TSHR: variants seen among roughly 807,000 people sequenced by gnomAD.
TSHR encodes thyrotropin receptor.
Under a neutral mutation model 64.1 loss-of-function variants are expected in TSHR, and 51 were observed. The observed-to-expected ratio is 0.80, with a 90% CI of 0.64 to 1.01. TSHR has a LOEUF of 1.01. Ranked by LOEUF, TSHR falls within the 50% of genes least tolerant of loss-of-function variation. The pLI is 0.00. For missense variants in TSHR, 877 were observed against 942.8 expected, an observed-to-expected ratio of 0.93 and a Z score of 0.91; for synonymous variants, 361 against 361.9, an observed-to-expected ratio of 1.00 and a Z score of 0.03.
At chr14:80,956,037 G>A in intron 1 of TSHR, 187 bp downstream of exon 1, 1 of 701,594 alleles carries the variant, frequency 1.4e-6, no homozygotes. Context: ...ACTTGGGAAG[G>A]TATCATTGTT....
intron 1 of TSHR, among the ~76,000 whole-genome samples, chr14:81,026,879 T>A (rs925882009): frequency 1.3e-5 from 2 of 151,906 alleles, no homozygotes; most frequent in African/African-American, 4.8e-5. Context: ...CTACTAAAAA[T>A]ACAAAAATTA....
chr14:81,055,931 G>C (rs1214398273), intron 1 of TSHR, among the ~76,000 whole-genome samples: 1 of 152,118 alleles, frequency 6.6e-6, no homozygotes. Context: ...GGCATGATTG[G>C]TTTTGAAACA....
chr14:81,101,139 C>G (rs577108162), intron 7 of TSHR, among the ~76,000 whole-genome samples: 1 of 152,272 alleles, frequency 6.6e-6, no homozygotes, highest in South Asian at 2.1e-4. Context: ...AGCTGTGTGC[C>G]AGGAAACAGA....
At chr14:81,013,430 G>T (rs1218762239) in intron 1 of TSHR, 1 of 152,066 alleles carries the variant, frequency 6.6e-6, no homozygotes, top group Non-Finnish European at 1.5e-5. Context: ...TACAAGGAAA[G>T]TCTTAACAGA....
At chr14:81,079,546 T>C (rs1887740420) in intron 3 of TSHR, among the ~76,000 whole-genome samples, 1 of 152,184 alleles carries the variant, frequency 6.6e-6, no homozygotes, top group African/African-American at 2.4e-5. Context: ...AATTAAAATA[T>C]CTGCAATAAT....
chr14:81,077,488 C>CAT (rs1887589902), intron 3 of TSHR, among the ~76,000 whole-genome samples: 1 of 152,190 alleles, frequency 6.6e-6, no homozygotes, highest in South Asian at 2.1e-4. Flanking sequence ...TTGCTCAACA[C>CAT]ATATATACTC....
chr14:81,087,802 G>A (rs545763889), intron 3 of TSHR, 152 bp from the exon 4 acceptor site: 65 of 705,208 alleles, frequency 9.2e-5, no homozygotes, highest in Non-Finnish European at 1.5e-4. Flanking sequence ...TCATTGATGG[G>A]ACCCCTGGCA....
In TSHR at chr14:81,030,674, G is replaced by A. The variant is rs543525618; in HGVS notation, c.171-31474G>A. Reference sequence around the variant, plus strand: ...GTTTTTGATAATGCTGAATGGAATTGAGTATGACCTCCCAGATACAGATGC... The same window carrying A: ...GTTTTTGATAATGCTGAATGGAATTAAGTATGACCTCCCAGATACAGATGC... On this transcript the variant is annotated intron_variant, in intron 1 of 9. Transcript: ENST00000298171. Among the ~76,000 whole-genome samples the A allele has an allele frequency of 2.0e-5, 3 of 152,258 alleles. No homozygotes were observed. The East Asian group carries it at 5.8e-4, about 29-fold the overall frequency.
intron 1 of TSHR, chr14:80,982,737 C>T: frequency 2.6e-6 from 2 of 767,622 alleles, no homozygotes; most frequent in Admixed American, 2.7e-5. Flanking sequence ...TTGTTTTGGC[C>T]TCAGCTGAAG....
At chr14:81,114,917 C>T (rs1391947398) in intron 8 of TSHR, among the ~76,000 whole-genome samples, 1 of 152,268 alleles carries the variant, frequency 6.6e-6, no homozygotes, top group East Asian at 1.9e-4. Flanking sequence ...CCAGCAGGGG[C>T]ACACTGACAC....
intron 1 of TSHR, among the ~76,000 whole-genome samples, chr14:81,033,850 T>C (rs1884486075): frequency 6.6e-6 from 1 of 152,254 alleles, no homozygotes; most frequent in Admixed American, 6.5e-5. Flanking sequence ...GTGGGTAATC[T>C]GCAGCTAGGG....
At chr14:81,093,938 G>A (rs969955265) in intron 6 of TSHR, among the ~76,000 whole-genome samples, 29 of 151,974 alleles carry the variant, frequency 1.9e-4, no homozygotes, top group Non-Finnish European at 3.4e-4. Context: ...TCTACCCCTT[G>A]ACACCATTTC....
Position 80,971,065 on chromosome 14 carries a change from C to G in TSHR, c.170+15215C>G, listed in dbSNP as rs139214646. Among the ~76,000 whole-genome samples, 1,147 of 152,160 alleles carry G rather than the reference C, an allele frequency of 7.5e-3. 13 individuals carry two copies. Among genetic ancestry groups the G allele is most frequent in the African/African-American group, 0.026 (1,083 of 41,520 alleles). On this transcript the variant is annotated intron_variant, in intron 1 of 9. Coordinates refer to ENST00000298171, the MANE Select transcript of TSHR (RefSeq NM_000369.5). ...TCTTGAACTCCTGACCTCAAATGAC[C>G]CACCCACCTCGGCCTCCCAAAGTGC...
intron 1 of TSHR, among the ~76,000 whole-genome samples, chr14:81,022,201 C>T (rs1355839555): frequency 1.3e-5 from 2 of 151,434 alleles, no homozygotes; most frequent in Non-Finnish European, 2.9e-5. Context: ...ACACGAGAGG[C>T]GGAGCTTGCA....
intron 1 of TSHR, among the ~76,000 whole-genome samples, chr14:81,061,439 T>A (rs1258220866): frequency 6.6e-6 from 1 of 152,116 alleles, no homozygotes; most frequent in Non-Finnish European, 1.5e-5. Flanking sequence ...GTGGTACATA[T>A]ATACCATGGA....
intron 1 of TSHR, among the ~76,000 whole-genome samples, chr14:80,967,342 G>A (rs1887375442): frequency 6.9e-6 from 1 of 143,964 alleles, no homozygotes; most frequent in Non-Finnish European, 1.5e-5. Flanking sequence ...CTACAGTGCA[G>A]TGGTGTGATC....
chr14:81,043,679 A>C (rs536350485), intron 1 of TSHR, among the ~76,000 whole-genome samples: 1 of 152,350 alleles, frequency 6.6e-6, no homozygotes, highest in East Asian at 1.9e-4. Context: ...ACCTAACTTC[A>C]AACTACACAA....
intron 1 of TSHR, among the ~76,000 whole-genome samples, chr14:81,025,596 T>C (rs1041745881): frequency 6.6e-6 from 1 of 152,206 alleles, no homozygotes; most frequent in African/African-American, 2.4e-5. Flanking sequence ...GACAATACAT[T>C]AAACTGGGAG....
chr14:81,123,191 A>G (rs569310787), intron 8 of TSHR, among the ~76,000 whole-genome samples: 40 of 152,308 alleles, frequency 2.6e-4, no homozygotes, highest in Middle Eastern at 3.4e-3. Context: ...AGAGAAGACA[A>G]TGGAGATGTC....
Sources: gnomAD v4.1 joint callset for allele counts (sites outside exome capture counted in the v4.1 genomes callset) on GRCh38, gnomAD v4.1.1 for gene constraint, MANE v1.5 for transcripts, NCBI Gene and HGNC (gene_info 2026-07-23, HGNC 2026-07-21) for gene names.